The following SMOC1 variants were observed in gnomAD, a reference collection of about 807,000 sequenced individuals.
SMOC1 encodes the protein SPARC related modular calcium binding 1, also known as SPARC-related modular calcium-binding protein 1.
A neutral mutation model predicts 56.3 loss-of-function variants in SMOC1; 22 were observed. The observed-to-expected ratio is 0.39, with a 90% CI of 0.28 to 0.56. SMOC1 has a LOEUF of 0.56. Ranked by LOEUF, SMOC1 falls within the 20% of genes least tolerant of loss-of-function variation. The pLI, the probability that SMOC1 is intolerant of heterozygous loss-of-function variation, is 0.61. For synonymous variants in SMOC1, 193 were observed against 215.0 expected (o/e 0.90, Z 0.89); for missense variants, 509 against 565.4 (o/e 0.90, Z 1.01).
chr14:69,995,235 T>G (rs1884723319), intron 7 of SMOC1, among the ~76,000 whole-genome samples: 1 of 152,246 alleles, frequency 6.6e-6, no homozygotes, highest in Non-Finnish European at 1.5e-5. Context: ...GATATATGAC[T>G]TTGAACCAGC....
intron 1 of SMOC1, among the ~76,000 whole-genome samples, chr14:69,949,378 C>T (rs948198743): frequency 2.0e-5 from 3 of 152,202 alleles, no homozygotes; most frequent in African/African-American, 4.8e-5. Context: ...TCCTCCCACA[C>T]ATGACGGAGG....
intron 3 of SMOC1, among the ~76,000 whole-genome samples, chr14:69,957,618 GAAAC>G (rs1883233913): frequency 6.6e-6 from 1 of 151,874 alleles, no homozygotes; most frequent in Non-Finnish European, 1.5e-5. Flanking sequence ...ACCAATCAAT[GAAAC>G]AAACATTTTA....
chr14:70,018,747 C>A (rs978481468), intron 10 of SMOC1, among the ~76,000 whole-genome samples: 3 of 152,216 alleles, frequency 2.0e-5, no homozygotes, highest in African/African-American at 7.2e-5. Flanking sequence ...GCTGTGTGAG[C>A]CTCTTGGCCC....
chr14:69,945,904 T>C (rs1362913472), intron 1 of SMOC1, among the ~76,000 whole-genome samples: 1 of 152,206 alleles, frequency 6.6e-6, no homozygotes, highest in Non-Finnish European at 1.5e-5. Context: ...AGGAAAAATA[T>C]ACGAGTATGC....
At chr14:69,928,716 A>G (rs1885084469) in intron 1 of SMOC1, among the ~76,000 whole-genome samples, 1 of 152,180 alleles carries the variant, frequency 6.6e-6, no homozygotes, top group African/African-American at 2.4e-5. Flanking sequence ...GTCTAGATTA[A>G]TGGAGAATTC....
chr14:69,978,839 G>A (rs1384288338), intron 5 of SMOC1, among the ~76,000 whole-genome samples: 1 of 152,098 alleles, frequency 6.6e-6, no homozygotes, highest in African/African-American at 2.4e-5. Flanking sequence ...TCTGAGGGCT[G>A]TTTATTGGAC....
intron 1 of SMOC1, among the ~76,000 whole-genome samples, chr14:69,928,468 AG>A (rs1405109461): frequency 4.6e-5 from 7 of 152,214 alleles, no homozygotes; most frequent in Non-Finnish European, 1.5e-5. Flanking sequence ...AGAGCCAGCC[AG>A]GGGTGAGGGT....
intron 4 of SMOC1, among the ~76,000 whole-genome samples, chr14:69,977,073 G>A (rs949594315): frequency 3.3e-5 from 5 of 152,158 alleles, no homozygotes; most frequent in Admixed American, 1.3e-4. Flanking sequence ...GCAAACAAAC[G>A]ACTAGAAACA....
intron 3 of SMOC1, among the ~76,000 whole-genome samples, chr14:69,958,856 G>A (rs1883276036): frequency 6.6e-6 from 1 of 152,164 alleles, no homozygotes; most frequent in South Asian, 2.1e-4. Context: ...ACCTCCAAAC[G>A]CATGTGTTGT....
At chr14:70,028,259 G>T (rs117298332) in intron 11 of SMOC1, among the ~76,000 whole-genome samples, 1 of 152,220 alleles carries the variant, frequency 6.6e-6, no homozygotes, top group East Asian at 1.9e-4. Context: ...GGCGGGGTGG[G>T]GTCTAGTGCC....
At chr14:69,914,470 C>A (rs1474967564) in intron 1 of SMOC1, among the ~76,000 whole-genome samples, 1 of 152,232 alleles carries the variant, frequency 6.6e-6, no homozygotes, top group Non-Finnish European at 1.5e-5. Context: ...TAAAAGGCAT[C>A]TTCAGAGTAG....
At chr14:69,982,552 C>A (rs1365860272) in intron 5 of SMOC1, among the ~76,000 whole-genome samples, 1 of 152,216 alleles carries the variant, frequency 6.6e-6, no homozygotes, top group African/African-American at 2.4e-5. Flanking sequence ...GGTGGCCCCC[C>A]AGCCTCAGCC....
At chr14:69,885,469 G>T in intron 1 of SMOC1, 2 of 1,600,744 alleles carry the variant, frequency 1.2e-6, no homozygotes, top group Non-Finnish European at 8.5e-7. Flanking sequence ...CATTGTAATT[G>T]GTCCTGATAG....
chr14:69,907,268 A>T (rs1566668712), intron 1 of SMOC1, among the ~76,000 whole-genome samples: 2 of 152,220 alleles, frequency 1.3e-5, no homozygotes. Flanking sequence ...GATAGCAAAA[A>T]TTAGTTAACT....
intron 1 of SMOC1, among the ~76,000 whole-genome samples, chr14:69,913,071 A>C (rs1471811174): frequency 6.6e-6 from 1 of 152,226 alleles, no homozygotes; most frequent in Non-Finnish European, 1.5e-5. Context: ...ACAACGAAGA[A>C]GGGTAGAAAA....
chr14:70,018,933 C>A (rs1885615542), intron 10 of SMOC1, among the ~76,000 whole-genome samples: 1 of 152,230 alleles, frequency 6.6e-6, no homozygotes, highest in Admixed American at 6.5e-5. Context: ...CTCAGTTGGT[C>A]TGCTTGGCTT....
At chr14:70,016,862 A>G (rs1885533703) in intron 10 of SMOC1, among the ~76,000 whole-genome samples, 1 of 151,990 alleles carries the variant, frequency 6.6e-6, no homozygotes, top group Non-Finnish European at 1.5e-5. Flanking sequence ...CTCAAGTACC[A>G]CTCAATCTGT....
At chr14:70,026,175 T>A (rs1594862871) in intron 11 of SMOC1, among the ~76,000 whole-genome samples, 1 of 152,174 alleles carries the variant, frequency 6.6e-6, no homozygotes, top group Non-Finnish European at 1.5e-5. Flanking sequence ...ACGCTTGGAA[T>A]TTGTGGTCCT....
chr14:70,001,948 C>T (rs1348038228), intron 7 of SMOC1, among the ~76,000 whole-genome samples: 1 of 152,204 alleles, frequency 6.6e-6, no homozygotes, highest in Non-Finnish European at 1.5e-5. Flanking sequence ...TCAGAACCTC[C>T]TAACATGCCA....
Sources: gnomAD v4.1 joint callset for allele counts (sites outside exome capture counted in the v4.1 genomes callset) on GRCh38, gnomAD v4.1.1 for gene constraint, MANE v1.5 for transcripts, NCBI Gene and HGNC (gene_info 2026-07-23, HGNC 2026-07-21) for gene names.